IQGAP1: variants seen among roughly 807,000 people sequenced by gnomAD.
The protein encoded by IQGAP1 is ras GTPase-activating-like protein IQGAP1.
Under a neutral mutation model 215.6 loss-of-function variants are expected in IQGAP1, and 66 were observed. That is an observed-to-expected ratio of 0.31 (90% CI 0.25 to 0.38). The LOEUF is 0.38. Ranked by LOEUF, IQGAP1 falls within the 10% of genes least tolerant of loss-of-function variation. The pLI, the probability that IQGAP1 is intolerant of heterozygous loss-of-function variation, is 1.00. For missense variants in IQGAP1, 1,712 were observed against 1,997.1 expected, an observed-to-expected ratio of 0.86 and a Z score of 2.72; for synonymous variants, 772 against 728.7, an observed-to-expected ratio of 1.06 and a Z score of -0.96.
At chr15:90,480,964 G>A (rs28691618) in intron 26 of IQGAP1, among the ~76,000 whole-genome samples, 9 of 152,084 alleles carry the variant, frequency 5.9e-5, no homozygotes, top group Admixed American at 5.9e-4. Context: ...CACCACACCC[G>A]GCCTCTACTT....
intron 2 of IQGAP1, among the ~76,000 whole-genome samples, chr15:90,399,588 A>G (rs1964776991): frequency 6.6e-6 from 1 of 152,114 alleles, no homozygotes. Context: ...TTCGATTTGT[A>G]ATTTCTTCTA....
chr15:90,471,100 C>T (rs541746793), intron 18 of IQGAP1, among the ~76,000 whole-genome samples: 1 of 152,216 alleles, frequency 6.6e-6, no homozygotes, highest in East Asian at 1.9e-4. Flanking sequence ...CTTCATTTTG[C>T]AGTCCAGAAG....
At chr15:90,410,655 G>A (rs1596253353) in intron 2 of IQGAP1, among the ~76,000 whole-genome samples, 1 of 151,650 alleles carries the variant, frequency 6.6e-6, no homozygotes, top group Non-Finnish European at 1.5e-5. Context: ...ATGGACACAG[G>A]GTGGGGAACA....
Position 90,476,689 on chromosome 15 carries a change from T to C in IQGAP1, c.2811T>C (p.Leu937=). ...LQDVVSHSKK[L]TKKNKEQLSD... is the part of the protein sequence containing the mutation. ...ATGTGGTTTCCCACAGTAAAAAACT[T>C]ACCAAAAAAAATAAGGAACAGTTGT... The change falls in exon 24 of 38, where the codon CTT becomes CTC. Residue 937 remains leucine (L), a synonymous_variant. Transcript: ENST00000268182. 3.8e-6 allele frequency: 6 copies of C among 1,588,556 alleles called. No homozygotes were observed. Among genetic ancestry groups the C allele is most frequent in the Non-Finnish European group, 5.1e-6 (6 of 1,173,426 alleles).
rs536768546 is a variant in IQGAP1 at position 90,485,941 on chromosome 15, C to T, written c.3922-89C>T. 8.9e-5 allele frequency: 84 copies of T among 943,622 alleles called. 1 individual carries two copies. In the African/African-American group the frequency reaches 1.3e-3, roughly 14 times the overall value. 58.5% of individuals were successfully genotyped at this position (943,622 alleles called of 1,614,324 possible). A position where few individuals can be genotyped will look rare whatever the true frequency, so the allele number is the denominator to read the frequency against. On this transcript the variant is annotated intron_variant, in intron 30 of 37. Transcript: ENST00000268182. ...TTGAATATAGGAACTTTGTTGGAACCTCTTTGTGCAGATCATTGTTAGACA... is the reference window on the plus strand; with the variant it reads ...TTGAATATAGGAACTTTGTTGGAACTTCTTTGTGCAGATCATTGTTAGACA...
chr15:90,406,189 G>A (rs1964875408), intron 2 of IQGAP1, among the ~76,000 whole-genome samples: 1 of 152,206 alleles, frequency 6.6e-6, no homozygotes, highest in South Asian at 2.1e-4. Context: ...ATTGTCAGAT[G>A]CATAACTTAT....
rs147610085 is a variant in IQGAP1 at position 90,429,729 on chromosome 15, A to G, written c.390+63A>G. The G allele has an allele frequency of 3.3e-4, 333 of 1,002,728 alleles. 2 individuals carry two copies. In the East Asian group the frequency reaches 7.9e-3, roughly 24 times the overall value. The allele number at this position is 1,002,728 out of a possible 1,614,324, so 62.1% of individuals were successfully genotyped here. A position where few individuals can be genotyped will look rare whatever the true frequency, so the allele number is the denominator to read the frequency against. On this transcript the variant is annotated intron_variant, in intron 4 of 37. Coordinates refer to ENST00000268182, the MANE Select transcript of IQGAP1 (RefSeq NM_003870.4). ...GCTGTTGTGGCATAACCCTCAAACA[A>G]CCTGTTCTCATTCTACCTGTAAAAT...
chr15:90,487,476 C>G lies in IQGAP1; in HGVS notation c.4161-19C>G, dbSNP rs775022733. The G allele has an allele frequency of 6.3e-7, 1 of 1,582,596 alleles. No homozygotes were observed. The highest frequency in any genetic ancestry group is 1.1e-5 in the South Asian group (1 of 90,346). ...TAGAACACTGGTAATATTTAAATGCCTCCCCCATCTCGTTTCAGTACAAAA... is the reference window on the plus strand; with the variant it reads ...TAGAACACTGGTAATATTTAAATGCGTCCCCCATCTCGTTTCAGTACAAAA... On this transcript the variant is annotated intron_variant, in intron 32 of 37. Transcript: ENST00000268182.
At position 90,413,323 on chromosome 15, in the gene IQGAP1, A is replaced by G. The variant is rs1053480125; in HGVS notation, c.156-12787A>G. Among the ~76,000 whole-genome samples the G allele has an allele frequency of 3.9e-5, 6 of 152,206 alleles. No homozygotes were observed. The East Asian group carries it at 9.6e-4, about 24-fold the overall frequency. On this transcript the variant is annotated intron_variant, in intron 2 of 37. Transcript: ENST00000268182. Reference sequence around the variant, plus strand: ...AGAGCCCCGGCATTGGAAAGTAGTCAACTCACAGGTTGGTAGGAAGAATTT... The same window carrying G: ...AGAGCCCCGGCATTGGAAAGTAGTCGACTCACAGGTTGGTAGGAAGAATTT...
At chr15:90,434,166 G>A (rs2151016830) in intron 5 of IQGAP1, among the ~76,000 whole-genome samples, 1 of 152,286 alleles carries the variant, frequency 6.6e-6, no homozygotes, top group Non-Finnish European at 1.5e-5. Flanking sequence ...GCCGGATGCG[G>A]TGGCTCACGC....
At chr15:90,448,440 G>A (rs1965554395) in intron 9 of IQGAP1, 133 bp from the exon 10 acceptor site, 2 of 735,496 alleles carry the variant, frequency 2.7e-6, no homozygotes, top group Non-Finnish European at 2.1e-6. Context: ...TTATGCTTCT[G>A]AGAATCACAG....
intron 2 of IQGAP1, among the ~76,000 whole-genome samples, chr15:90,395,941 G>A (rs530686433): frequency 2.0e-5 from 3 of 152,182 alleles, no homozygotes; most frequent in African/African-American, 7.2e-5. Context: ...GTCTGTCATG[G>A]GCCACCTTTC....
chr15:90,476,724 T>G lies in IQGAP1; in HGVS notation c.2846T>G (p.Met949Arg). 1 of 1,605,550 alleles carries G rather than the reference T, an allele frequency of 6.2e-7. No individual in the cohort carries two copies. The highest frequency in any genetic ancestry group is 8.5e-7 in the Non-Finnish European group (1 of 1,177,898). The change falls in exon 24 of 38, where the codon ATG becomes AGG. Residue 949 changes from methionine to arginine, a missense_variant. Physicochemically the swap from Met to Arg is moderately conservative, Grantham distance 91. Around this residue, in one of 2 missense-constraint regions of IQGAP1, gnomAD observed 691 missense variants for 923.0 expected, o/e 0.75. Coordinates refer to ENST00000268182, the MANE Select transcript of IQGAP1 (RefSeq NM_003870.4). The stretch of plus-strand genomic sequence containing the variant: ...AATAAGGAACAGTTGTCTGATATGA[T>G]GATGATAAATAAACAGAAGGGAGGT... ...KKNKEQLSDM[M>R]MINKQKGGLK...
rs538821502 is a variant in IQGAP1 at position 90,448,785 on chromosome 15, G to A, written c.1077+49G>A. The A allele has an allele frequency of 2.2e-5, 30 of 1,363,610 alleles. No individual in the cohort carries two copies. In the South Asian group the frequency reaches 4.0e-4, roughly 18 times the overall value. 84.5% of individuals were successfully genotyped at this position (1,363,610 alleles called of 1,614,324 possible). ...TGCAAGAGTTTGTATATATCCATTC[G>A]AATCCCATGCTGTCATTTAAAGATA... is the stretch of plus-strand genomic sequence containing the variant. On this transcript the variant is annotated intron_variant, in intron 10 of 37. Transcript: ENST00000268182.
At chr15:90,469,366 C>T (rs1166196639) in intron 18 of IQGAP1, among the ~76,000 whole-genome samples, 1 of 152,188 alleles carries the variant, frequency 6.6e-6, no homozygotes. Flanking sequence ...TGTGGAAAAA[C>T]TGAAATAGTC....
chr15:90,494,580 C>A, intron 35 of IQGAP1, 133 bp from the exon 36 acceptor site: 1 of 605,874 alleles, frequency 1.7e-6, no homozygotes, highest in East Asian at 3.1e-5. Context: ...ATTTGTTTGC[C>A]ATTTTAGAGT....
At position 90,474,126 on chromosome 15, in the gene IQGAP1, G is replaced by C; in HGVS notation, c.2568G>C (p.Lys856Asn). The change falls in exon 22 of 38, where the codon AAG (lysine) becomes AAC (asparagine). Residue 856 changes from lysine (K) to asparagine (N), a missense_variant. Physicochemically the swap from Lys to Asn is moderately conservative, Grantham distance 94. Around this residue, in one of 2 missense-constraint regions of IQGAP1, gnomAD observed 1,021 missense variants for 1,074.2 expected, o/e 0.95. Coordinates refer to ENST00000268182, the MANE Select transcript of IQGAP1 (RefSeq NM_003870.4). ...IRANKARDDY[K>N]TLINAEDPPM... The stretch of plus-strand genomic sequence containing the variant: ...CAAACAAAGCTCGGGATGACTACAA[G>C]ACTCTCAGTGAGTAACTGGCTCCGC... The C allele has an allele frequency of 6.2e-7, 1 of 1,610,920 alleles. No homozygotes were observed. Among genetic ancestry groups the C allele is most frequent in the Non-Finnish European group, 8.5e-7 (1 of 1,178,570 alleles).
intron 28 of IQGAP1, 91 bp from the exon 29 acceptor site, chr15:90,483,270 C>A: frequency 1.1e-6 from 1 of 876,954 alleles, no homozygotes; most frequent in Non-Finnish European, 1.9e-6. Flanking sequence ...CATAGGACTG[C>A]ATTTTCTGCT....
intron 2 of IQGAP1, among the ~76,000 whole-genome samples, chr15:90,392,529 TC>T (rs1384002290): frequency 1.3e-5 from 2 of 152,040 alleles, no homozygotes; most frequent in African/African-American, 4.8e-5. Flanking sequence ...ACACCTTCCT[TC>T]CCCCATCCAA....
Sources: allele counts gnomAD v4.1 joint callset (sites outside exome capture counted in the v4.1 genomes callset), GRCh38; gene constraint gnomAD v4.1.1; regional missense constraint gnomAD v4.1.1; transcripts MANE v1.5; gene names NCBI Gene and HGNC (gene_info 2026-07-23, HGNC 2026-07-21).